Variants in TRIM41 observed in about 807,000 individuals in gnomAD.
TRIM41 encodes tripartite motif containing 41, also known as E3 ubiquitin-protein ligase TRIM41.
Under a neutral mutation model 60.6 loss-of-function variants are expected in TRIM41, and 21 were observed. The ratio of observed to expected loss-of-function variants is 0.35; its 90% CI spans 0.25 to 0.50. TRIM41 has a LOEUF of 0.50. TRIM41 is among the 20% of genes least tolerant of loss of function. The pLI, the probability that TRIM41 is intolerant of heterozygous loss-of-function variation, is 0.98. For synonymous variants in TRIM41, 407 were observed against 344.9 expected (o/e 1.18, Z -2.00); for missense variants, 846 against 868.3 (o/e 0.97, Z 0.32).
chr5:181,232,945 G>A (rs1758873284), intron 3 of TRIM41, 56 bp downstream of exon 3: 5 of 1,505,212 alleles, frequency 3.3e-6, no homozygotes, highest in Non-Finnish European at 4.5e-6. Context: ...GTCAGGCAGT[G>A]CTTACCAAAC....
Position 181,234,162 on chromosome 5 carries a change from C to G in TRIM41, c.1292-12C>G. ...TCCAGCCCTGGCGTATTTGTCCTCC[C>G]TCCCTCCCAAGTGGACCTGACGCTG... On this transcript the variant is annotated splice_polypyrimidine_tract_variant and intron_variant, in intron 5 of 5. Transcript: ENST00000315073. This position sits in a 1 kb window ranked among gnomAD's most constrained non-coding sequence, Gnocchi z 5.6. 6.2e-7 allele frequency: 1 copy of G among 1,607,708 alleles called. No homozygotes were observed. The highest frequency in any genetic ancestry group is 8.5e-7 in the Non-Finnish European group (1 of 1,179,904).
rs1216549614 is a variant in TRIM41 at position 181,223,784 on chromosome 5, A to G, written c.-216A>G. On this transcript the variant is annotated 5_prime_UTR_variant, in exon 1 of 6. Coordinates refer to ENST00000315073, the MANE Select transcript of TRIM41 (RefSeq NM_033549.5). ...GAGGGACTTGGCGGTGGCGCCCAGCACTGTCCCCTCCCCTCGTAGAGACAC... is the reference window on the plus strand; with the variant it reads ...GAGGGACTTGGCGGTGGCGCCCAGCGCTGTCCCCTCCCCTCGTAGAGACAC... The G allele has an allele frequency of 3.3e-6, 2 of 614,176 alleles. No individual in the cohort carries two copies. Among genetic ancestry groups the G allele is most frequent in the Admixed American group, 5.9e-5 (2 of 33,792 alleles). The allele number at this position is 614,176 out of a possible 1,614,324, so 38.0% of individuals were successfully genotyped here. A position where few individuals can be genotyped will look rare whatever the true frequency, so the allele number is the denominator to read the frequency against.
chr5:181,224,239 G>C lies in TRIM41; in HGVS notation c.240G>C (p.Ala80=), dbSNP rs141399091. Residue 80 remains alanine, a synonymous_variant, in exon 1 of 6, where the codon GCG becomes GCC. Coordinates refer to ENST00000315073, the MANE Select transcript of TRIM41 (RefSeq NM_033549.5). ...EEEVEAVGAG[A]GWDTPMRDED... ...AAGTGGAGGCTGTGGGGGCTGGCGC[G>C]GGGTGGGACACCCCCATGCGGGATG... is the stretch of plus-strand genomic sequence containing the variant. 6.2e-7 allele frequency: 1 copy of C among 1,613,738 alleles called. No homozygotes were observed. The highest frequency in any genetic ancestry group is 1.3e-5 in the African/African-American group (1 of 74,968).
At chr5:181,228,877 C>T (rs552049893) in intron 1 of TRIM41, 2 of 134,302 alleles carry the variant, frequency 1.5e-5, no homozygotes, top group South Asian at 4.7e-4. Flanking sequence ...GATGTTGCAG[C>T]GAGCCGAGAT....
rs917859212 is a variant in TRIM41, at chr5:181,235,121, C to T, written c.*346C>T. On this transcript the variant is annotated 3_prime_UTR_variant, in exon 6 of 6. Transcript: ENST00000315073. Reference sequence around the variant, plus strand: ...AATTGTAATTTCATTCCTTAACTTCCTTTTCCCCACCCCTGCTCTTCAACC... The same window carrying T: ...AATTGTAATTTCATTCCTTAACTTCTTTTTCCCCACCCCTGCTCTTCAACC... 6.3e-7 allele frequency: 1 copy of T among 1,581,908 alleles called. No individual in the cohort carries two copies. The highest frequency in any genetic ancestry group is 1.3e-5 in the African/African-American group (1 of 74,268).
Position 181,224,121 on chromosome 5 carries a change from G to A in TRIM41, c.122G>A (p.Arg41Gln). Residue 41 changes from arginine (R) to glutamine (Q), a missense_variant, in exon 1 of 6, where the codon CGA becomes CAA. Coordinates refer to ENST00000315073, the MANE Select transcript of TRIM41 (RefSeq NM_033549.5). The stretch of plus-strand genomic sequence containing the variant: ...ATCGGCTGCGGGCACAACTTCTGCC[G>A]AGTTTGTGTAACCCAGTTGTGGGGT... ...VSIGCGHNFC[R>Q]VCVTQLWGGE... The A allele has an allele frequency of 6.2e-7, 1 of 1,614,216 alleles. No individual in the cohort carries two copies. Among genetic ancestry groups the A allele is most frequent in the East Asian group, 2.2e-5 (1 of 44,888 alleles).
rs1005551596 is a variant in TRIM41, at chr5:181,233,877, C to G, written c.1291+114C>G. ...TGTGGGGCTTGAGATGGAGCAGGAT[C>G]CAGGCAGCCACTCTGAGGTTGAGGT... On this transcript the variant is annotated intron_variant, in intron 5 of 5. Transcript: ENST00000315073. The surrounding 1 kb of genome is among the most constrained non-coding windows in gnomAD (Gnocchi z 4.1). 2.0e-6 allele frequency: 3 copies of G among 1,486,990 alleles called. No homozygotes were observed. The highest frequency in any genetic ancestry group is 2.7e-6 in the Non-Finnish European group (3 of 1,092,376). The allele number at this position is 1,486,990 out of a possible 1,614,324, so 92.1% of individuals were successfully genotyped here.
In TRIM41 at chr5:181,234,944, C is replaced by A. The variant is rs1047542540; in HGVS notation, c.*169C>A. On this transcript the variant is annotated 3_prime_UTR_variant, in exon 6 of 6. Coordinates refer to ENST00000315073, the MANE Select transcript of TRIM41 (RefSeq NM_033549.5). This position sits in a 1 kb window ranked among gnomAD's most constrained non-coding sequence, Gnocchi z 5.6. ...CTTCTCCCTCTAGGAGCCTAAAGAA[C>A]CCTCCTGGCCTCCAGCTCAGCCTTC... The A allele has an allele frequency of 1.2e-6, 2 of 1,613,958 alleles. No homozygotes were observed. Among genetic ancestry groups the A allele is most frequent in the South Asian group, 2.2e-5 (2 of 91,084 alleles).
At chr5:181,225,329 T>G (rs1173590303) in intron 1 of TRIM41, 1 of 167,524 alleles carries the variant, frequency 6.0e-6, no homozygotes, top group African/African-American at 2.4e-5. Context: ...GTGTCATTCT[T>G]ATGCACTGAC....
At position 181,232,660 on chromosome 5, in the gene TRIM41, G is replaced by A. The variant is rs1758854939; in HGVS notation, c.911G>A (p.Ser304Asn). 5 of 1,613,498 alleles carry A rather than the reference G, an allele frequency of 3.1e-6. No homozygotes were observed. Among genetic ancestry groups the A allele is most frequent in the East Asian group, 2.2e-5 (1 of 44,890 alleles). The change falls in exon 3 of 6, where the codon AGC becomes AAC. Residue 304 changes from serine (S) to asparagine (N), a missense_variant and splice_region_variant. Coordinates refer to ENST00000315073, the MANE Select transcript of TRIM41 (RefSeq NM_033549.5). Reference protein sequence around the residue: ...KEERRVTELKSQMKSELAAVA... With the variant: ...KEERRVTELKNQMKSELAAVA... ...GCCATCCCCTTTGCACCATTCCAGA[G>A]CCAGATGAAGTCAGAGCTGGCAGCG...
Position 181,224,220 on chromosome 5 carries a change from A to C in TRIM41, c.221A>C (p.Glu74Ala). 1 of 1,612,878 alleles carries C rather than the reference A, an allele frequency of 6.2e-7. No homozygotes were observed. Among genetic ancestry groups the C allele is most frequent in the East Asian group, 2.2e-5 (1 of 44,784 alleles). ...GAGGACGGAGAGGAGGAGGAAGTGG[A>C]GGCTGTGGGGGCTGGCGCGGGGTGG... ...EEEDGEEEEV[E>A]AVGAGAGWDT... Residue 74 changes from glutamate (E) to alanine (A), a missense_variant, in exon 1 of 6, where the codon GAG becomes GCG. Coordinates refer to ENST00000315073, the MANE Select transcript of TRIM41 (RefSeq NM_033549.5).
Position 181,224,365 on chromosome 5 carries a change from T to C in TRIM41, c.366T>C (p.Tyr122=). Residue 122 remains tyrosine (Y), a synonymous_variant, in exon 1 of 6, where the codon TAT becomes TAC. Coordinates refer to ENST00000315073, the MANE Select transcript of TRIM41 (RefSeq NM_033549.5). The stretch of plus-strand genomic sequence containing the variant: ...GGTCCAGCTGGGACAACATGGACTA[T>C]GTGTGGGAGGAGGAGGACGAGGAGG... The part of the protein sequence containing the change: ...MSRSSWDNMD[Y]VWEEEDEEED... The C allele has an allele frequency of 6.2e-7, 1 of 1,611,156 alleles. No homozygotes were observed. Among genetic ancestry groups the C allele is most frequent in the Non-Finnish European group, 8.5e-7 (1 of 1,178,730 alleles).
rs779902159 is a variant in TRIM41 at position 181,234,332 on chromosome 5, G to A, written c.1450G>A (p.Gly484Ser). ...CVLGAQGFRS[G>S]RHYWEVEVGG... ...ACTGGGGGCCCAGGGCTTCCGCTCCGGCCGGCACTACTGGGAGGTAGAGGT... is the reference window on the plus strand; with the variant it reads ...ACTGGGGGCCCAGGGCTTCCGCTCCAGCCGGCACTACTGGGAGGTAGAGGT... Residue 484 changes from glycine to serine, a missense_variant, in exon 6 of 6, where the codon GGC becomes AGC. Transcript: ENST00000315073. The surrounding 1 kb of genome is among the most constrained non-coding windows in gnomAD (Gnocchi z 5.6). 7 of 1,611,256 alleles carry A rather than the reference G, an allele frequency of 4.3e-6. No individual in the cohort carries two copies. The highest frequency in any genetic ancestry group is 1.8e-4 in the Middle Eastern group (1 of 5,676).
rs1759081940 is a variant in TRIM41 at position 181,235,675 on chromosome 5, T to C, written c.*900T>C. On this transcript the variant is annotated 3_prime_UTR_variant, in exon 6 of 6. Transcript: ENST00000315073. The stretch of plus-strand genomic sequence containing the variant: ...GTCCCCAGGAGGAGAGCCTTGGGTA[T>C]AATCTATTTTTCTAGGAGCCTCTTG... 1 of 427,074 alleles carries C rather than the reference T, an allele frequency of 2.3e-6. No individual in the cohort carries two copies. The highest frequency in any genetic ancestry group is 3.2e-4 in the Middle Eastern group (1 of 3,122). 26.5% of individuals were successfully genotyped at this position (427,074 alleles called of 1,614,324 possible).
intron 1 of TRIM41, chr5:181,229,834 C>G (rs1002602622): frequency 1.3e-5 from 2 of 152,140 alleles, no homozygotes; most frequent in African/African-American, 4.8e-5. Context: ...TACCTTGGGC[C>G]AAGTGGAGAA....
At position 181,234,578 on chromosome 5, in the gene TRIM41, G is replaced by C. The variant is rs1314142581; in HGVS notation, c.1696G>C (p.Glu566Gln). The change falls in exon 6 of 6, where the codon GAA becomes CAA. Residue 566 changes from glutamate (E) to glutamine (Q), a missense_variant. Physicochemically the swap from Glu to Gln is conservative, Grantham distance 29. Transcript: ENST00000315073. This position sits in a 1 kb window ranked among gnomAD's most constrained non-coding sequence, Gnocchi z 5.6. ...GKRYQAQSST[E>Q]QTLLSPSEKP... ...ACGCTATCAGGCCCAGAGCTCCACAGAACAGACGCTGCTGAGCCCCAGTGA... is the reference window on the plus strand; with the variant it reads ...ACGCTATCAGGCCCAGAGCTCCACACAACAGACGCTGCTGAGCCCCAGTGA... 1 of 1,614,250 alleles carries C rather than the reference G, an allele frequency of 6.2e-7. No individual in the cohort carries two copies. The highest frequency in any genetic ancestry group is 1.1e-5 in the South Asian group (1 of 91,090).
At chr5:181,232,915 C>G in intron 3 of TRIM41, 26 bp downstream of exon 3, 1 of 1,534,284 alleles carries the variant, frequency 6.5e-7, no homozygotes, top group Non-Finnish European at 8.7e-7. Flanking sequence ...TCCCTGTTCC[C>G]CCAGCATTCT....
Position 181,233,966 on chromosome 5 carries a change from C to T in TRIM41, c.1291+203C>T. 8.8e-7 allele frequency: 1 copy of T among 1,141,148 alleles called. No homozygotes were observed. The highest frequency in any genetic ancestry group is 1.2e-6 in the Non-Finnish European group (1 of 803,334). 70.7% of individuals were successfully genotyped at this position (1,141,148 alleles called of 1,614,324 possible). ...TGGAGGGTGGGGTGGGGTGGAGTGG[C>T]AGGAAGAGCCAGGCTGGGGGAAGAC... On this transcript the variant is annotated intron_variant, in intron 5 of 5. Coordinates refer to ENST00000315073, the MANE Select transcript of TRIM41 (RefSeq NM_033549.5). This position sits in a 1 kb window ranked among gnomAD's most constrained non-coding sequence, Gnocchi z 4.1.
In TRIM41 at chr5:181,235,507, T is replaced by A. The variant is rs1200082941; in HGVS notation, c.*732T>A. The A allele has an allele frequency of 2.5e-5, 35 of 1,424,736 alleles. No individual in the cohort carries two copies. The highest frequency in any genetic ancestry group is 1.8e-4 in the Middle Eastern group (1 of 5,692). The allele number at this position is 1,424,736 out of a possible 1,614,324, so 88.3% of individuals were successfully genotyped here. A position where few individuals can be genotyped will look rare whatever the true frequency, so the allele number is the denominator to read the frequency against. On this transcript the variant is annotated 3_prime_UTR_variant, in exon 6 of 6. Transcript: ENST00000315073. ...GCACTCAACCAAGGAGCAAAGCTCA[T>A]CCCACCCCACACCCCTCCCAGGTCT...
Sources: allele counts gnomAD v4.1 joint callset, GRCh38; gene constraint gnomAD v4.1.1; non-coding constraint Gnocchi (gnomAD v3.1); transcripts MANE v1.5; gene names NCBI Gene and HGNC (gene_info 2026-07-23, HGNC 2026-07-21).